MYL7: variants seen among roughly 807,000 people sequenced by gnomAD.
MYL7 encodes the protein myosin light chain 7, also known as myosin regulatory light chain 2, atrial isoform.
In MYL7, 27 loss-of-function variants were observed where a neutral mutation model predicts 22.5. The observed-to-expected ratio is 1.20, with a 90% CI of 0.89 to 1.66. The LOEUF is 1.66. Among genes scored for constraint, MYL7 ranks in the 40% most tolerant of loss-of-function variants. The pLI, the probability that MYL7 is intolerant of heterozygous loss-of-function variation, is 0.00. For missense variants in MYL7, 209 were observed against 226.8 expected, an observed-to-expected ratio of 0.92 and a Z score of 0.50; for synonymous variants, 81 against 84.4, an observed-to-expected ratio of 0.96 and a Z score of 0.22.
At chr7:44,140,196 G>A in intron 4 of MYL7, 127 bp downstream of exon 4, 1 of 762,574 alleles carries the variant, frequency 1.3e-6, no homozygotes. Context: ...TCCAGGTGGG[G>A]TTCAGTTAGG....
rs370902619 is a variant in MYL7, at chr7:44,139,619, C to G, written c.378-50G>C. ...AGGAGACTGCGGGGGAGTGACTGCA[C>G]AGGGAAGGTGGGTACGGAGGCTCCC... is the stretch of plus-strand genomic sequence containing the variant. On this transcript the variant is annotated intron_variant, in intron 5 of 6. Coordinates refer to ENST00000223364, the MANE Select transcript of MYL7 (RefSeq NM_021223.3). 55 of 1,584,800 alleles carry G rather than the reference C, an allele frequency of 3.5e-5. No individual in the cohort carries two copies. In the African/African-American group the frequency reaches 7.2e-4, roughly 21 times the overall value.
intron 3 of MYL7, 130 bp from the exon 4 acceptor site, chr7:44,140,557 T>A: frequency 8.7e-7 from 1 of 1,149,060 alleles, no homozygotes; most frequent in Non-Finnish European, 1.2e-6. Context: ...GAAGGTGAAG[T>A]GGAAGCAAGG....
chr7:44,139,045 G>T, intron 6 of MYL7, 23 bp from the exon 7 acceptor site: 2 of 1,590,064 alleles, frequency 1.3e-6, no homozygotes, highest in Non-Finnish European at 1.7e-6. Flanking sequence ...CTGGTGAGTG[G>T]CAGTCCCCTG....
At chr7:44,141,274 C>G in intron 1 of MYL7, 29 bp downstream of exon 1, 1 of 1,614,140 alleles carries the variant, frequency 6.2e-7, no homozygotes, top group Non-Finnish European at 8.5e-7. Flanking sequence ...TGGGAGACCG[C>G]TAGCCTTTCT....
At chr7:44,141,248 C>A (rs1046111816) in intron 1 of MYL7, 55 bp downstream of exon 1, 1 of 1,613,810 alleles carries the variant, frequency 6.2e-7, no homozygotes, top group African/African-American at 1.3e-5. Context: ...GCTCCCCCAG[C>A]CCAAAGGCCA....
Position 44,139,836 on chromosome 7 carries a change from A to C in MYL7, c.323T>G (p.Leu108Arg). 1 of 1,610,546 alleles carries C rather than the reference A, an allele frequency of 6.2e-7. No homozygotes were observed. The highest frequency in any genetic ancestry group is 8.5e-7 in the Non-Finnish European group (1 of 1,179,222). ...GGGGTCAAACATGCGGAAGGCACTC[A>C]GGATGGCTTCCTCGGGGTCTGTCCC... ...LNGTDPEEAI[L>R]SAFRMFDPSG... The change falls in exon 5 of 7, where the codon CTG (leucine) becomes CGG (arginine). Residue 108 changes from leucine to arginine, a missense_variant. Physicochemically the swap from Leu to Arg is moderately radical, Grantham distance 102. Coordinates refer to ENST00000223364, the MANE Select transcript of MYL7 (RefSeq NM_021223.3).
intron 3 of MYL7, 27 bp downstream of exon 3, chr7:44,140,685 C>T (rs374493034): frequency 2.4e-5 from 38 of 1,576,828 alleles, no homozygotes; most frequent in Admixed American, 8.9e-5. Flanking sequence ...GACCCCAGTG[C>T]GCAGGGTGGG....
At position 44,139,764 on chromosome 7, in the gene MYL7, G is replaced by T; in HGVS notation, c.377+18C>A. ...GCTTCCACCACGGTGCTCCTCATCTGGCTGGGCCCATACTTACTCATCCTT... is the reference window on the plus strand; with the variant it reads ...GCTTCCACCACGGTGCTCCTCATCTTGCTGGGCCCATACTTACTCATCCTT... On this transcript the variant is annotated intron_variant, in intron 5 of 6. Transcript: ENST00000223364. The T allele has an allele frequency of 6.2e-7, 1 of 1,612,176 alleles. No homozygotes were observed. The highest frequency in any genetic ancestry group is 2.2e-5 in the East Asian group (1 of 44,838).
Position 44,141,029 on chromosome 7 carries a change from G to A in MYL7, c.49C>T (p.Gln17Ter). 1 of 1,613,998 alleles carries A rather than the reference G, an allele frequency of 6.2e-7. No homozygotes were observed. The highest frequency in any genetic ancestry group is 2.2e-5 in the East Asian group (1 of 44,866). ...GTRGKVAATK[Q>*]AQRGSSNVFS... Reference sequence around the variant, plus strand: ...ACGTTGGAAGAACCACGTTGGGCCTGCTTGGTGGCTGCCACCTTGCCCCGG... The same window carrying A: ...ACGTTGGAAGAACCACGTTGGGCCTACTTGGTGGCTGCCACCTTGCCCCGG... Residue 17 changes from glutamine (Q) to a stop codon, truncating the protein, a stop_gained, in exon 2 of 7, where the codon CAG becomes TAG. Coordinates refer to ENST00000223364, the MANE Select transcript of MYL7 (RefSeq NM_021223.3). LOFTEE classifies it high-confidence loss of function.
rs529411463 is a variant in MYL7, at chr7:44,140,569, G to A, written c.194-142C>T. 11 of 1,134,114 alleles carry A rather than the reference G, an allele frequency of 9.7e-6. No individual in the cohort carries two copies. The Admixed American group carries it at 1.7e-4, about 17-fold the overall frequency. The allele number at this position is 1,134,114 out of a possible 1,614,324, so 70.3% of individuals were successfully genotyped here. A position where few individuals can be genotyped will look rare whatever the true frequency, so the allele number is the denominator to read the frequency against. On this transcript the variant is annotated intron_variant, in intron 3 of 6. Coordinates refer to ENST00000223364, the MANE Select transcript of MYL7 (RefSeq NM_021223.3). ...CGGGAAGGTGAAGTGGAAGCAAGGC[G>A]TGACAAGGGGGGAAGGGCAGTGTGA...
In MYL7 at chr7:44,140,498, C is replaced by T. The variant is rs368416439; in HGVS notation, c.194-71G>A. 251 of 1,405,844 alleles carry T rather than the reference C, an allele frequency of 1.8e-4. 1 individual carries two copies. The South Asian group carries it at 3.0e-3, about 17-fold the overall frequency. 87.1% of individuals were successfully genotyped at this position (1,405,844 alleles called of 1,614,324 possible). Reference sequence around the variant, plus strand: ...CCCCAGAAGGCCCAGGCCGCCCTCCCTCCATCCTGGCCACAGGGGCTGGAG... The same window carrying T: ...CCCCAGAAGGCCCAGGCCGCCCTCCTTCCATCCTGGCCACAGGGGCTGGAG... On this transcript the variant is annotated intron_variant, in intron 3 of 6. Transcript: ENST00000223364.
intron 4 of MYL7, 111 bp from the exon 5 acceptor site, chr7:44,139,971 T>C (rs2096263297): frequency 1.1e-6 from 1 of 928,120 alleles, no homozygotes; most frequent in Non-Finnish European, 1.6e-6. Flanking sequence ...GAGGTGGGGG[T>C]ATTCCCTAAC....
chr7:44,139,287 C>T, intron 6 of MYL7: 1 of 671,962 alleles, frequency 1.5e-6, no homozygotes. Flanking sequence ...TACGAAACCT[C>T]TCCCTATCCA....
chr7:44,140,870 G>A, intron 2 of MYL7, 83 bp from the exon 3 acceptor site: 1 of 1,567,504 alleles, frequency 6.4e-7, no homozygotes, highest in South Asian at 1.1e-5. Flanking sequence ...GGTGGTGTGA[G>A]AGGCAAGGTC....
At chr7:44,140,550 G>A (rs1340566709) in intron 3 of MYL7, 123 bp from the exon 4 acceptor site, 3 of 1,163,504 alleles carry the variant, frequency 2.6e-6, no homozygotes, top group African/African-American at 3.1e-5. Flanking sequence ...GGGTCGGGAA[G>A]GTGAAGTGGA....
chr7:44,141,111 A>G (rs369663026), intron 1 of MYL7, 37 bp from the exon 2 acceptor site: 31 of 1,595,850 alleles, frequency 1.9e-5, no homozygotes, highest in Non-Finnish European at 2.5e-5. Context: ...CCTCTCCCCA[A>G]CTCCTCAGAG....
In MYL7 at chr7:44,140,725, G is replaced by C; in HGVS notation, c.180C>G (p.Thr60=). The change falls in exon 3 of 7, where the codon ACC becomes ACG. Residue 60 remains threonine, a synonymous_variant. Transcript: ENST00000223364. ...GGGTGCACGCACCCAGCTGGGAGTA[G>C]GTCTCCCTCAGGTCTGCCTTGCAGA... The part of the protein sequence containing the change: ...GIICKADLRE[T]YSQLGKVSVP... The C allele has an allele frequency of 6.2e-7, 1 of 1,609,620 alleles. No individual in the cohort carries two copies. Among genetic ancestry groups the C allele is most frequent in the Non-Finnish European group, 8.5e-7 (1 of 1,177,908 alleles).
intron 3 of MYL7, 136 bp from the exon 4 acceptor site, chr7:44,140,563 C>G: frequency 9.0e-7 from 1 of 1,115,602 alleles, no homozygotes; most frequent in African/African-American, 1.6e-5. Flanking sequence ...GAAGTGGAAG[C>G]AAGGCGTGAC....
chr7:44,140,190 G>A lies in MYL7; in HGVS notation c.298+133C>T. On this transcript the variant is annotated intron_variant, in intron 4 of 6. Coordinates refer to ENST00000223364, the MANE Select transcript of MYL7 (RefSeq NM_021223.3). ...GCCAGGAAGAGTCCAGGTGGGTCCA[G>A]GTGGGGTTCAGTTAGGGTTCAGGTG... 5 of 727,376 alleles carry A rather than the reference G, an allele frequency of 6.9e-6. No individual in the cohort carries two copies. The Admixed American group carries it at 9.5e-5, about 14-fold the overall frequency. The allele number at this position is 727,376 out of a possible 1,614,324, so 45.1% of individuals were successfully genotyped here.
Sources: gnomAD v4.1 joint callset for allele counts on GRCh38, gnomAD v4.1.1 for gene constraint, MANE v1.5 for transcripts, NCBI Gene and HGNC (gene_info 2026-07-23, HGNC 2026-07-21) for gene names.